The following EEA1 variants were observed in gnomAD, a reference collection of about 807,000 sequenced individuals.
EEA1 encodes the protein early endosome antigen 1, also known as early endosome antigen 1, 162kD.
Under a neutral mutation model 209.2 loss-of-function variants are expected in EEA1, and 111 were observed. That is an observed-to-expected ratio of 0.53 (90% CI 0.45 to 0.62). The LOEUF (loss-of-function observed/expected upper bound fraction) is 0.62, where lower values mean the gene tolerates loss of function less well. Among genes scored for constraint, EEA1 ranks in the 20% least tolerant of loss-of-function variants. The probability of loss-of-function intolerance (pLI) is 0.00; values close to 1 mark genes in which losing one functional copy is unlikely to be tolerated. For synonymous variants in EEA1, 536 were observed against 540.6 expected (o/e 0.99, Z 0.12); for missense variants, 1,343 against 1,530.8 (o/e 0.88, Z 2.05).
At chr12:92,890,176 C>A (rs540454122) in intron 2 of EEA1, among the ~76,000 whole-genome samples, 1 of 152,016 alleles carries the variant, frequency 6.6e-6, no homozygotes, top group African/African-American at 2.4e-5. Flanking sequence ...TTTTGGTGTT[C>A]TTTTCTTATT....
At chr12:92,842,982 G>A (rs888810843) in intron 9 of EEA1, among the ~76,000 whole-genome samples, 2 of 151,996 alleles carry the variant, frequency 1.3e-5, no homozygotes, top group African/African-American at 4.8e-5. Context: ...TTTAAGACAT[G>A]TATATACAAA....
rs71456579 is a variant in EEA1, at chr12:92,870,340, T to C, written c.118-5353A>G. On this transcript the variant is annotated intron_variant, in intron 2 of 28. Coordinates refer to ENST00000322349, the MANE Select transcript of EEA1 (RefSeq NM_003566.4). ...TATTTTTTAAAAGCTATGTTTCCTT[T>C]GTTTTTGGAATACCATAGTGATTTT... Among the ~76,000 whole-genome samples the C allele has an allele frequency of 2.6e-3, 402 of 152,332 alleles. 1 individual carries two copies. Among genetic ancestry groups the C allele is most frequent in the Non-Finnish European group, 3.8e-3 (261 of 68,028 alleles).
At chr12:92,847,860 G>C (rs898292434) in intron 9 of EEA1, among the ~76,000 whole-genome samples, 3 of 152,006 alleles carry the variant, frequency 2.0e-5, no homozygotes, top group Admixed American at 6.6e-5. Flanking sequence ...AAACAAATGC[G>C]ACCACGTTTT....
intron 1 of EEA1, among the ~76,000 whole-genome samples, chr12:92,906,505 G>C (rs992970724): frequency 5.3e-5 from 8 of 152,092 alleles, no homozygotes; most frequent in African/African-American, 1.4e-4. Flanking sequence ...TATCTATAAG[G>C]ATTTCTTATA....
rs1873441198 is a variant in EEA1 at position 92,771,794 on chromosome 12, C to G, written c.*4217G>C. On this transcript the variant is annotated 3_prime_UTR_variant, in exon 29 of 29. Coordinates refer to ENST00000322349, the MANE Select transcript of EEA1 (RefSeq NM_003566.4). The stretch of plus-strand genomic sequence containing the variant: ...AGGTGGCCTCTCAAATTCCTTTAGT[C>G]CCATGAATCCAGCAACCACAGACTT... The G allele has an allele frequency of 6.6e-6, 1 of 151,966 alleles. No individual in the cohort carries two copies. Among genetic ancestry groups the G allele is most frequent in the Admixed American group, 6.6e-5 (1 of 15,232 alleles). 9.4% of individuals were successfully genotyped at this position (151,966 alleles called of 1,614,324 possible). A position where few individuals can be genotyped will look rare whatever the true frequency, so the allele number is the denominator to read the frequency against.
chr12:92,785,190 A>C (rs1874077102), intron 22 of EEA1, among the ~76,000 whole-genome samples: 1 of 152,146 alleles, frequency 6.6e-6, no homozygotes, highest in Non-Finnish European at 1.5e-5. Context: ...TTCTACCTCT[A>C]CCTTTCCTGG....
intron 2 of EEA1, among the ~76,000 whole-genome samples, chr12:92,866,236 T>G (rs1382455253): frequency 6.7e-6 from 1 of 148,750 alleles, no homozygotes; most frequent in Non-Finnish European, 1.5e-5. Flanking sequence ...AGTCATTCAT[T>G]AAATCAAAGA....
Position 92,832,711 on chromosome 12 carries a change from C to A in EEA1, c.1055G>T (p.Arg352Ile). ...KDLDCQQLQS[R>I]LSASETSLHR... ...CAGTGAGGTTTCAGATGCAGACAAT[C>A]TTGACTGAAGCTGTTGACAATCTAG... Residue 352 changes from arginine (R) to isoleucine (I), a missense_variant, in exon 11 of 29, where the codon AGA becomes ATA. Around this residue, in one of 3 missense-constraint regions of EEA1, gnomAD observed 1,307 missense variants for 1,465.5 expected, o/e 0.89. Transcript: ENST00000322349. The A allele has an allele frequency of 1.2e-6, 2 of 1,613,998 alleles. No individual in the cohort carries two copies. Among genetic ancestry groups the A allele is most frequent in the African/African-American group, 1.3e-5 (1 of 75,040 alleles).
intron 22 of EEA1, among the ~76,000 whole-genome samples, chr12:92,783,276 T>C (rs1296980248): frequency 6.6e-6 from 1 of 152,122 alleles, no homozygotes; most frequent in Non-Finnish European, 1.5e-5. Context: ...CAGAATTAAA[T>C]TGGAAGACAC....
intron 1 of EEA1, among the ~76,000 whole-genome samples, chr12:92,898,344 G>C (rs937272318): frequency 1.3e-5 from 2 of 152,264 alleles, no homozygotes; most frequent in South Asian, 4.1e-4. Flanking sequence ...GTTCTGTGAG[G>C]TTCTGTCAAC....
chr12:92,861,473 C>A (rs577803750), intron 3 of EEA1, among the ~76,000 whole-genome samples: 2 of 152,182 alleles, frequency 1.3e-5, no homozygotes, highest in Admixed American at 1.3e-4. Context: ...AATTATTATT[C>A]TGGATGTCAG....
chr12:92,896,954 C>T (rs1592764900), intron 1 of EEA1, among the ~76,000 whole-genome samples: 2 of 151,930 alleles, frequency 1.3e-5, no homozygotes, highest in Non-Finnish European at 2.9e-5. Flanking sequence ...GAAGGAGGAT[C>T]GCTTGAGGCT....
At chr12:92,923,269 A>G in intron 1 of EEA1, among the ~76,000 whole-genome samples, 1 of 151,976 alleles carries the variant, frequency 6.6e-6, no homozygotes, top group East Asian at 1.9e-4. Context: ...AATGGCGTGA[A>G]CCCGGGAGGC....
chr12:92,863,999 T>C (rs114490876), intron 3 of EEA1, among the ~76,000 whole-genome samples: 161 of 152,282 alleles, frequency 1.1e-3, no homozygotes, highest in African/African-American at 3.5e-3. Context: ...AAAAGAATAG[T>C]AGCCAAAATT....
rs979423392 is a variant in EEA1, at chr12:92,787,859, T to C, written c.3150+8A>G. 6 of 1,590,676 alleles carry C rather than the reference T, an allele frequency of 3.8e-6. No individual in the cohort carries two copies. In the African/African-American group the frequency reaches 8.2e-5, roughly 22 times the overall value. On this transcript the variant is annotated splice_region_variant and intron_variant, in intron 22 of 28. Coordinates refer to ENST00000322349, the MANE Select transcript of EEA1 (RefSeq NM_003566.4). ...TGAGACTTTATGGTACAGTATAGTT[T>C]ACTATACCTTAAGATCTTGCCTGGT...
chr12:92,928,791 C>G (rs1294311374), intron 1 of EEA1, among the ~76,000 whole-genome samples: 1 of 151,750 alleles, frequency 6.6e-6, no homozygotes, highest in East Asian at 1.9e-4. Flanking sequence ...CGCTCGCACA[C>G]ACGGAGCCCC....
intron 2 of EEA1, among the ~76,000 whole-genome samples, chr12:92,880,301 T>C (rs1380095109): frequency 2.0e-5 from 3 of 151,996 alleles, no homozygotes; most frequent in Non-Finnish European, 4.4e-5. Context: ...AAAAAGACAA[T>C]CCAATGTTTT....
intron 21 of EEA1, among the ~76,000 whole-genome samples, chr12:92,791,700 T>C (rs1382182357): frequency 2.6e-5 from 4 of 152,108 alleles, no homozygotes; most frequent in Non-Finnish European, 4.4e-5. Context: ...TCGCTGTCAA[T>C]ATTAGACAGA....
intron 2 of EEA1, among the ~76,000 whole-genome samples, chr12:92,872,039 C>T (rs1446967254): frequency 1.4e-5 from 2 of 147,906 alleles, no homozygotes; most frequent in East Asian, 2.1e-4. Context: ...TACCACCAGG[C>T]CCAGCTAATT....
Sources: allele counts gnomAD v4.1 joint callset (sites outside exome capture counted in the v4.1 genomes callset), GRCh38; gene constraint gnomAD v4.1.1; regional missense constraint gnomAD v4.1.1; transcripts MANE v1.5; gene names NCBI Gene and HGNC (gene_info 2026-07-23, HGNC 2026-07-21).